Variants in SEMA6A observed in about 807,000 individuals in gnomAD.
SEMA6A encodes semaphorin 6A.
In SEMA6A, 25 loss-of-function variants were observed where a neutral mutation model predicts 96.8. That is an observed-to-expected ratio of 0.26 (90% CI 0.19 to 0.36). The LOEUF (loss-of-function observed/expected upper bound fraction) is 0.36. SEMA6A is among the 10% of genes least tolerant of loss of function. SEMA6A has a pLI of 1.00. For missense variants in SEMA6A, 1,363 were observed against 1,323.1 expected (o/e 1.03, Z -0.47); for synonymous variants, 612 against 518.0 (o/e 1.18, Z -2.46).
chr5:116,449,790 TCAC>T (rs1421008400), intron 18 of SEMA6A: 1 of 156,738 alleles, frequency 6.4e-6, no homozygotes, highest in Non-Finnish European at 1.4e-5. Context: ...TCAAGGCAAT[TCAC>T]CATAAGGAAA....
intron 11 of SEMA6A, among the ~76,000 whole-genome samples, chr5:116,482,096 A>C (rs1257831661): frequency 3.9e-5 from 6 of 152,154 alleles, no homozygotes; most frequent in Non-Finnish European, 7.3e-5. Context: ...AAGCATAAAG[A>C]AGCAGCGGAA....
At chr5:116,449,708 T>C (rs1754503384) in intron 18 of SEMA6A, 1 of 201,956 alleles carries the variant, frequency 5.0e-6, no homozygotes, top group East Asian at 1.2e-4. Flanking sequence ...GTGACTTAAG[T>C]AGAAGCAGCA....
intron 1 of SEMA6A, chr5:116,507,991 T>C (rs1471033682): frequency 6.6e-6 from 1 of 152,190 alleles, no homozygotes; most frequent in African/African-American, 2.4e-5. Flanking sequence ...CTGAAACTAA[T>C]TTGTATTGAC....
At chr5:116,510,914 G>A (rs1293302866) in intron 1 of SEMA6A, among the ~76,000 whole-genome samples, 1 of 152,190 alleles carries the variant, frequency 6.6e-6, no homozygotes, top group African/African-American at 2.4e-5. Flanking sequence ...GGTCTACTGA[G>A]TATCTTCTGT....
At chr5:116,450,584 A>T (rs1034016154) in intron 18 of SEMA6A, among the ~76,000 whole-genome samples, 1 of 152,146 alleles carries the variant, frequency 6.6e-6, no homozygotes, top group African/African-American at 2.4e-5. Context: ...AAAGCTACTT[A>T]TTCTTTCACT....
intron 6 of SEMA6A, among the ~76,000 whole-genome samples, chr5:116,493,715 G>T (rs1757440813): frequency 6.6e-6 from 1 of 152,062 alleles, no homozygotes; most frequent in South Asian, 2.1e-4. Context: ...TTTTTCTGGT[G>T]AGCTTGTTGG....
At chr5:116,561,079 C>T (rs1760802520) in intron 1 of SEMA6A, among the ~76,000 whole-genome samples, 1 of 152,106 alleles carries the variant, frequency 6.6e-6, no homozygotes. Flanking sequence ...CACACCCTTC[C>T]CTTACCAGAG....
intron 18 of SEMA6A, among the ~76,000 whole-genome samples, chr5:116,464,069 T>C (rs1406655653): frequency 6.6e-6 from 1 of 152,232 alleles, no homozygotes; most frequent in Non-Finnish European, 1.5e-5. Context: ...TTATTTCTTT[T>C]GCTGTGGGAA....
chr5:116,562,832 G>T, intron 1 of SEMA6A: 1 of 696,982 alleles, frequency 1.4e-6, no homozygotes, highest in Non-Finnish European at 2.7e-6. Context: ...GGGTATTACT[G>T]CCTTACACAT....
chr5:116,471,883 T>C (rs1270267001), intron 17 of SEMA6A, among the ~76,000 whole-genome samples: 1 of 152,212 alleles, frequency 6.6e-6, no homozygotes, highest in Non-Finnish European at 1.5e-5. Flanking sequence ...CTGCATTGCT[T>C]TCTTTTCCTT....
At chr5:116,491,644 C>T (rs796761249) in intron 7 of SEMA6A, 96 bp downstream of exon 7, 19 of 892,204 alleles carry the variant, frequency 2.1e-5, no homozygotes, top group South Asian at 1.7e-4. Context: ...AGAATCAAAG[C>T]ACAACTGTGA....
intron 1 of SEMA6A, among the ~76,000 whole-genome samples, chr5:116,509,120 T>C (rs932899591): frequency 6.6e-6 from 1 of 152,250 alleles, no homozygotes; most frequent in Non-Finnish European, 1.5e-5. Flanking sequence ...AGGACTTGAC[T>C]GTATGAATAC....
intron 18 of SEMA6A, among the ~76,000 whole-genome samples, chr5:116,453,559 G>C (rs1030752574): frequency 6.6e-6 from 1 of 152,162 alleles, no homozygotes; most frequent in African/African-American, 2.4e-5. Context: ...AATACCATTT[G>C]GAAGGCTGTG....
intron 1 of SEMA6A, among the ~76,000 whole-genome samples, chr5:116,520,783 C>A (rs1259893911): frequency 6.6e-6 from 1 of 152,138 alleles, no homozygotes; most frequent in African/African-American, 2.4e-5. Context: ...CAGGGCTAGA[C>A]CAGACAACAT....
Position 116,497,372 on chromosome 5 carries a change from A to C in SEMA6A, c.234T>G (p.Thr78=), listed in dbSNP as rs775739563. Residue 78 remains threonine (T), a synonymous_variant, in exon 4 of 19, where the codon ACT becomes ACG. Transcript: ENST00000343348. The part of the protein sequence containing the change: ...LYIAARDHIY[T]VDIDTSHTEE... Reference sequence around the variant, plus strand: ...CCGTGTGTGATGTGTCTATATCAACAGTATAAATATGGTCCCTATAGGCAA... The same window carrying C: ...CCGTGTGTGATGTGTCTATATCAACCGTATAAATATGGTCCCTATAGGCAA... 26 of 1,597,976 alleles carry C rather than the reference A, an allele frequency of 1.6e-5. No homozygotes were observed. In the South Asian group the frequency reaches 2.0e-4, roughly 12 times the overall value.
chr5:116,486,543 C>G (rs1757057812), intron 10 of SEMA6A: 1 of 530,890 alleles, frequency 1.9e-6, no homozygotes, highest in Non-Finnish European at 3.4e-6. Context: ...CATAATTTAT[C>G]TAATTACTTC....
chr5:116,514,231 T>G (rs1758559715), intron 1 of SEMA6A, among the ~76,000 whole-genome samples: 1 of 152,236 alleles, frequency 6.6e-6, no homozygotes, highest in Non-Finnish European at 1.5e-5. Flanking sequence ...ATGGTTGAAC[T>G]AATTTACACT....
chr5:116,487,034 G>C, intron 9 of SEMA6A, 68 bp from the exon 10 acceptor site: 2 of 1,120,078 alleles, frequency 1.8e-6, no homozygotes, highest in Non-Finnish European at 2.7e-6. Flanking sequence ...AGTAGAATCT[G>C]CATTCCTTGA....
intron 17 of SEMA6A, chr5:116,468,890 G>A (rs1755932066): frequency 6.6e-6 from 1 of 151,900 alleles, no homozygotes; most frequent in Non-Finnish European, 1.5e-5. Context: ...TGATCACCAT[G>A]CACATGATAA....
Sources: gnomAD v4.1 joint callset for allele counts (sites outside exome capture counted in the v4.1 genomes callset) on GRCh38, gnomAD v4.1.1 for gene constraint, MANE v1.5 for transcripts, NCBI Gene and HGNC (gene_info 2026-07-23, HGNC 2026-07-21) for gene names.